Variants in FLVCR2 observed in about 807,000 individuals in gnomAD.
FLVCR2 encodes choline/ethanolamine transporter FLVCR2.
Under a neutral mutation model 48.9 loss-of-function variants are expected in FLVCR2, and 38 were observed. The observed-to-expected ratio is 0.78, with a 90% CI of 0.60 to 1.02. The LOEUF (loss-of-function observed/expected upper bound fraction) is 1.02, where lower values mean the gene tolerates loss of function less well. FLVCR2 is among the 50% of genes least tolerant of loss of function. FLVCR2 has a pLI of 0.00. For synonymous variants in FLVCR2, 255 were observed against 257.0 expected (o/e 0.99, Z 0.07); for missense variants, 664 against 663.3 (o/e 1.00, Z -0.01).
At position 75,587,805 on chromosome 14, in the gene FLVCR2, GAT is replaced by G. The variant is rs570783792; in HGVS notation, c.669+8167_669+8168del. On this transcript the variant is annotated intron_variant, in intron 1 of 9. Transcript: ENST00000238667. Reference sequence around the variant, plus strand: ...TGAGATAGATGCAAGATCTAAAAAAGATATTCGAGGCTGGTCCTAACCCAGGT... The same window carrying G: ...TGAGATAGATGCAAGATCTAAAAAAGATTCGAGGCTGGTCCTAACCCAGGT... Among the ~76,000 whole-genome samples, 100 of 152,330 alleles carry G rather than the reference GAT, an allele frequency of 6.6e-4. 1 individual carries two copies. Among genetic ancestry groups the G allele is most frequent in the African/African-American group, 2.2e-3 (92 of 41,578 alleles).
chr14:75,583,658 G>A (rs1279535028), intron 1 of FLVCR2, among the ~76,000 whole-genome samples: 1 of 152,158 alleles, frequency 6.6e-6, no homozygotes, highest in Non-Finnish European at 1.5e-5. Context: ...CCTAATAAGG[G>A]AACTGGGCAG....
At chr14:75,608,916 ATCTTT>A (rs1889366627) in intron 1 of FLVCR2, among the ~76,000 whole-genome samples, 1 of 151,974 alleles carries the variant, frequency 6.6e-6, no homozygotes, top group Admixed American at 6.5e-5. Context: ...TGGCTATCAC[ATCTTT>A]GTCTCTGTTC....
intron 3 of FLVCR2, chr14:75,631,800 C>T (rs1385596298): frequency 2.0e-5 from 9 of 455,920 alleles, no homozygotes; most frequent in Admixed American, 4.7e-5. Flanking sequence ...TCTCTTCACT[C>T]GGAAATGGAC....
At chr14:75,586,771 G>A (rs1888762711) in intron 1 of FLVCR2, among the ~76,000 whole-genome samples, 1 of 151,794 alleles carries the variant, frequency 6.6e-6, no homozygotes, top group African/African-American at 2.4e-5. Flanking sequence ...CCTTCTGCTT[G>A]CATTAAAATC....
intron 2 of FLVCR2, among the ~76,000 whole-genome samples, chr14:75,623,062 A>G (rs1019555671): frequency 1.3e-5 from 2 of 152,032 alleles, no homozygotes; most frequent in East Asian, 3.9e-4. Flanking sequence ...GCTCACTGCA[A>G]CCTCTGCCTC....
At chr14:75,609,028 G>A (rs924082306) in intron 1 of FLVCR2, among the ~76,000 whole-genome samples, 1 of 151,934 alleles carries the variant, frequency 6.6e-6, no homozygotes, top group Admixed American at 6.5e-5. Context: ...TGAGAGAAAT[G>A]AAAGCCACTA....
chr14:75,589,251 C>T (rs1168558041), intron 1 of FLVCR2, among the ~76,000 whole-genome samples: 1 of 152,142 alleles, frequency 6.6e-6, no homozygotes, highest in African/African-American at 2.4e-5. Flanking sequence ...AAGTTATATG[C>T]TTCCAAAATA....
At chr14:75,644,095 A>G (rs1189277937) in intron 9 of FLVCR2, among the ~76,000 whole-genome samples, 2 of 151,862 alleles carry the variant, frequency 1.3e-5, no homozygotes, top group Non-Finnish European at 2.9e-5. Context: ...AAATATATGT[A>G]TAGCCTAGTG....
rs111764331 is a variant in FLVCR2, at chr14:75,644,038, GA to G, written c.1509+2153del. On this transcript the variant is annotated intron_variant, in intron 9 of 9. Transcript: ENST00000238667. ...GGGTGACAGAGCAAGACTCCATCTC[GA>G]AAAAAAAAAAAAGAGAGAGAGAGAA... is the stretch of plus-strand genomic sequence containing the variant. Among the ~76,000 whole-genome samples, 313 of 140,472 alleles carry G rather than the reference GA, an allele frequency of 2.2e-3. 2 individuals carry two copies. The highest frequency in any genetic ancestry group is 4.7e-3 in the African/African-American group (176 of 37,442). 92.2% of individuals were successfully genotyped at this position (140,472 alleles called of 152,430 possible).
rs574530596 is a variant in FLVCR2, at chr14:75,639,472, A to G, written c.1235+10A>G. ...CTGCTGGCACAATGGGGTAAGTTTC[A>G]CCTCTGGCTGATTTATTAGAAAATA... On this transcript the variant is annotated intron_variant, in intron 6 of 9. Coordinates refer to ENST00000238667, the MANE Select transcript of FLVCR2 (RefSeq NM_017791.3). The G allele has an allele frequency of 1.3e-6, 2 of 1,561,010 alleles. No individual in the cohort carries two copies. Among genetic ancestry groups the G allele is most frequent in the Admixed American group, 1.7e-5 (1 of 59,928 alleles).
chr14:75,644,689 T>C (rs1890379654), intron 9 of FLVCR2, among the ~76,000 whole-genome samples: 1 of 152,128 alleles, frequency 6.6e-6, no homozygotes, highest in Admixed American at 6.5e-5. Flanking sequence ...GCCAGGGCCA[T>C]CACAGAGCAG....
chr14:75,642,016 A>G, intron 9 of FLVCR2, 118 bp downstream of exon 9: 2 of 899,242 alleles, frequency 2.2e-6, no homozygotes, highest in Non-Finnish European at 3.7e-6. Context: ...CATAGCTGGG[A>G]GACCAGTTCA....
At chr14:75,646,281 T>G (rs1890419189) in intron 9 of FLVCR2, 120 bp from the exon 10 acceptor site, 1 of 721,460 alleles carries the variant, frequency 1.4e-6, no homozygotes, top group Admixed American at 2.0e-5. Context: ...CTCTCTGGGA[T>G]GCTGAGTGGC....
rs1358930421 is a variant in FLVCR2 at position 75,624,638 on chromosome 14, C to A, written c.838C>A (p.Pro280Thr). The change falls in exon 3 of 10, where the codon CCC becomes ACC. Residue 280 changes from proline (P) to threonine (T), a missense_variant. Physicochemically the swap from Pro to Thr is conservative, Grantham distance 38 (BLOSUM62 -1). Coordinates refer to ENST00000238667, the MANE Select transcript of FLVCR2 (RefSeq NM_017791.3). ...IVFKEKPKYP[P>T]SRAQSLSYAL... ...GTTCAAGGAGAAACCTAAATATCCCCCCAGCAGGGCCCAATCCCTGAGCTA... is the reference window on the plus strand; with the variant it reads ...GTTCAAGGAGAAACCTAAATATCCCACCAGCAGGGCCCAATCCCTGAGCTA... 7 of 1,614,086 alleles carry A rather than the reference C, an allele frequency of 4.3e-6. No individual in the cohort carries two copies. The highest frequency in any genetic ancestry group is 5.9e-6 in the Non-Finnish European group (7 of 1,180,026).
chr14:75,608,043 C>T (rs1244634823), intron 1 of FLVCR2, among the ~76,000 whole-genome samples: 1 of 152,192 alleles, frequency 6.6e-6, no homozygotes, highest in Non-Finnish European at 1.5e-5. Flanking sequence ...GCACTCCAGC[C>T]TGGGCAACAG....
chr14:75,596,211 GT>G (rs1337684243), intron 1 of FLVCR2: 9 of 684,108 alleles, frequency 1.3e-5, no homozygotes, highest in Non-Finnish European at 2.4e-5. Flanking sequence ...GTTCATGATG[GT>G]GGTCTATCCT....
In FLVCR2 at chr14:75,641,053, C is replaced by G; in HGVS notation, c.1334C>G (p.Ser445Cys). The G allele has an allele frequency of 6.2e-7, 1 of 1,612,412 alleles. No homozygotes were observed. Among genetic ancestry groups the G allele is most frequent in the Non-Finnish European group, 8.5e-7 (1 of 1,178,400 alleles). Residue 445 changes from serine to cysteine, a missense_variant, in exon 7 of 10, where the codon TCT becomes TGT. Physicochemically the swap from Ser to Cys is moderately radical, Grantham distance 112. Transcript: ENST00000238667. ...EGISSGLLNISAQVFGIIFTI... is the reference protein window; with the variant it reads ...EGISSGLLNICAQVFGIIFTI... Reference sequence around the variant, plus strand: ...ATCTCCTCCGGCCTCCTCAACATATCTGCACAGGTAGAGCTCGTATTTCCT... The same window carrying G: ...ATCTCCTCCGGCCTCCTCAACATATGTGCACAGGTAGAGCTCGTATTTCCT...
chr14:75,621,876 G>C (rs557343613), intron 1 of FLVCR2, among the ~76,000 whole-genome samples: 6 of 152,304 alleles, frequency 3.9e-5, no homozygotes, highest in East Asian at 1.9e-4. Context: ...TTGATAGTGA[G>C]GGTGGTCAGA....
chr14:75,601,366 GA>G (rs1281874936), intron 1 of FLVCR2, among the ~76,000 whole-genome samples: 2 of 152,222 alleles, frequency 1.3e-5, no homozygotes, highest in Non-Finnish European at 2.9e-5. Flanking sequence ...GTGCTGCAGA[GA>G]TTTTGTTTAT....
Sources: allele counts gnomAD v4.1 joint callset (sites outside exome capture counted in the v4.1 genomes callset), GRCh38; gene constraint gnomAD v4.1.1; transcripts MANE v1.5; gene names NCBI Gene and HGNC (gene_info 2026-07-23, HGNC 2026-07-21).